PALLD: variants seen among roughly 807,000 people sequenced by gnomAD.
The protein encoded by PALLD is palladin, cytoskeletal associated protein.
Under a neutral mutation model 123.5 loss-of-function variants are expected in PALLD, and 61 were observed. The observed-to-expected ratio is 0.49, with a 90% CI of 0.40 to 0.61. The LOEUF is 0.61. Among genes scored for constraint, PALLD ranks in the 20% least tolerant of loss-of-function variants. PALLD has a pLI of 0.00. For synonymous variants in PALLD, 465 were observed against 496.4 expected (o/e 0.94, Z 0.84); for missense variants, 1,273 against 1,377.0 (o/e 0.92, Z 1.20).
chr4:168,547,674 G>GCA (rs1766287488), intron 2 of PALLD, among the ~76,000 whole-genome samples: 1 of 151,484 alleles, frequency 6.6e-6, no homozygotes, highest in African/African-American at 2.4e-5. Flanking sequence ...GCGTGGCCAG[G>GCA]CACAGTGGCT....
At position 168,623,171 on chromosome 4, in the gene PALLD, T is replaced by C. The variant is rs148199879; in HGVS notation, c.909-45019T>C. Among the ~76,000 whole-genome samples the C allele has an allele frequency of 3.0e-3, 459 of 152,278 alleles. 2 individuals carry two copies. The highest frequency in any genetic ancestry group is 0.01 in the African/African-American group (429 of 41,556). ...GGAAACCTTACCTCAGTCTCTGCCA[T>C]CTGTTTATTGGGGATACCTGCTCTG... On this transcript the variant is annotated intron_variant, in intron 2 of 21. Coordinates refer to ENST00000505667, the MANE Select transcript of PALLD (RefSeq NM_001166108.2).
chr4:168,816,944 A>T lies in PALLD; in HGVS notation c.1965-73978A>T, dbSNP rs940062264. On this transcript the variant is annotated intron_variant, in intron 10 of 21. Transcript: ENST00000505667. ...GCAAGCTTGGCAGAATGTTTGAACA[A>T]GACAAAGAGCAGTTCCAGCGACCAA... Among the ~76,000 whole-genome samples the T allele has an allele frequency of 3.3e-4, 50 of 151,974 alleles. 1 individual carries two copies. Among genetic ancestry groups the T allele is most frequent in the Admixed American group, 3.3e-3 (50 of 15,226 alleles).
chr4:168,820,067 G>A (rs898623518), intron 10 of PALLD, among the ~76,000 whole-genome samples: 10 of 152,188 alleles, frequency 6.6e-5, no homozygotes, highest in South Asian at 4.1e-4. Flanking sequence ...GTCTTACTTC[G>A]AAAGACTTAA....
At position 168,555,289 on chromosome 4, in the gene PALLD, C is replaced by A. The variant is rs377364174; in HGVS notation, c.908+42877C>A. 7.8e-4 allele frequency among the ~76,000 whole-genome samples: 119 copies of A among 152,258 alleles called. 2 individuals are homozygous for A. The highest frequency in any genetic ancestry group is 2.6e-3 in the African/African-American group (107 of 41,548). On this transcript the variant is annotated intron_variant, in intron 2 of 21. Transcript: ENST00000505667. ...TAGGAACGGAGCATAGAGAATAGAA[C>A]CACAGAAACCAAAGAAGACTAAAAC...
rs113634074 is a variant in PALLD at position 168,616,302 on chromosome 4, C to G, written c.909-51888C>G. Among the ~76,000 whole-genome samples the G allele has an allele frequency of 5.9e-3, 900 of 152,124 alleles. 10 individuals are homozygous for G. Among genetic ancestry groups the G allele is most frequent in the African/African-American group, 0.02 (837 of 41,504 alleles). On this transcript the variant is annotated intron_variant, in intron 2 of 21. Transcript: ENST00000505667. ...TTTTGGGTCTTAAGGATAAGTAGAT[C>G]TACATCAGAAAAATATTAAAGGAGG...
chr4:168,571,584 T>C (rs999281686), intron 2 of PALLD, among the ~76,000 whole-genome samples: 3 of 152,192 alleles, frequency 2.0e-5, no homozygotes, highest in Admixed American at 2.0e-4. Context: ...AATGTGTTAC[T>C]TTTCACAGAT....
chr4:168,691,353 G>T, intron 8 of PALLD, 61 bp downstream of exon 8: 2 of 1,334,942 alleles, frequency 1.5e-6, no homozygotes, highest in South Asian at 1.2e-5. Context: ...GTATCTTTTG[G>T]GTCTCAATAG....
rs150501585 is a variant in PALLD, at chr4:168,540,230, G to A, written c.908+27818G>A. ...CACAGTGACTTCCATAGTCGTCATA[G>A]GCGACTACTATCAGATTCCATCTCA... On this transcript the variant is annotated intron_variant, in intron 2 of 21. Coordinates refer to ENST00000505667, the MANE Select transcript of PALLD (RefSeq NM_001166108.2). Among the ~76,000 whole-genome samples, 1,190 of 152,278 alleles carry A rather than the reference G, an allele frequency of 7.8e-3. 5 individuals are homozygous for A. Among genetic ancestry groups the A allele is most frequent in the Middle Eastern group, 0.027 (8 of 294 alleles).
At chr4:168,688,026 G>C (rs926245048) in intron 6 of PALLD, among the ~76,000 whole-genome samples, 1 of 152,162 alleles carries the variant, frequency 6.6e-6, no homozygotes, top group African/African-American at 2.4e-5. Flanking sequence ...CTTCTGCAGG[G>C]CTGTTCCCTT....
At chr4:168,644,829 G>A (rs1021544783) in intron 2 of PALLD, among the ~76,000 whole-genome samples, 4 of 152,176 alleles carry the variant, frequency 2.6e-5, no homozygotes, top group Non-Finnish European at 4.4e-5. Context: ...TCAGCTGGGT[G>A]CAGTGGCTCA....
At chr4:168,532,031 C>T (rs77305614) in intron 2 of PALLD, among the ~76,000 whole-genome samples, 1 of 152,108 alleles carries the variant, frequency 6.6e-6, no homozygotes. Flanking sequence ...TATTTCAGCA[C>T]CCAGGTATTA....
Position 168,927,907 on chromosome 4 carries a change from G to GTATC in PALLD, c.*1729_*1732dup, listed in dbSNP as rs1553986435. 4.9e-6 allele frequency: 1 copy of GTATC among 202,542 alleles called. No homozygotes were observed. Among genetic ancestry groups the GTATC allele is most frequent in the African/African-American group, 2.3e-5 (1 of 43,628 alleles). The allele number at this position is 202,542 out of a possible 1,614,324, so 12.5% of individuals were successfully genotyped here. ...ACTGTATTCCTTATGCAAAACACAT[G>GTATC]TATCTTTCATTATTTATAAGTGGCC... On this transcript the variant is annotated 3_prime_UTR_variant, in exon 22 of 22. Coordinates refer to ENST00000505667, the MANE Select transcript of PALLD (RefSeq NM_001166108.2).
intron 10 of PALLD, among the ~76,000 whole-genome samples, chr4:168,810,971 C>CT (rs1459656115): frequency 6.6e-6 from 1 of 152,192 alleles, no homozygotes; most frequent in African/African-American, 2.4e-5. Flanking sequence ...AATACTTCCC[C>CT]TCCAAAGTCA....
In PALLD at chr4:168,926,629, TG is replaced by T. The variant is rs1320797961; in HGVS notation, c.*450del. On this transcript the variant is annotated 3_prime_UTR_variant, in exon 22 of 22. Transcript: ENST00000505667. Reference sequence around the variant, plus strand: ...GTCCAATTTAAAACTTTGGAATTGCTGTGATTAAAGTGATCAAAATGCCAAA... The same window carrying T: ...GTCCAATTTAAAACTTTGGAATTGCTTGATTAAAGTGATCAAAATGCCAAA... The T allele has an allele frequency of 4.8e-6, 2 of 419,284 alleles. No homozygotes were observed. The highest frequency in any genetic ancestry group is 4.0e-5 in the African/African-American group (2 of 50,246). The allele number at this position is 419,284 out of a possible 1,614,324, so 26.0% of individuals were successfully genotyped here.
chr4:168,833,880 C>T (rs558308918), intron 10 of PALLD, among the ~76,000 whole-genome samples: 288 of 149,960 alleles, frequency 1.9e-3, no homozygotes, highest in African/African-American at 6.7e-3. Context: ...AGCTAATGTA[C>T]CCCTATGCCT....
At chr4:168,863,604 G>C (rs1749820006) in intron 10 of PALLD, among the ~76,000 whole-genome samples, 1 of 151,718 alleles carries the variant, frequency 6.6e-6, no homozygotes. Context: ...AATTTTGAAA[G>C]ACGATAGCAT....
At chr4:168,535,984 C>T (rs1765051827) in intron 2 of PALLD, among the ~76,000 whole-genome samples, 3 of 152,128 alleles carry the variant, frequency 2.0e-5, no homozygotes, top group East Asian at 1.9e-4. Context: ...TACCTTGGTG[C>T]CGGTTAGAGA....
chr4:168,684,320 T>G (rs965359742), intron 5 of PALLD, among the ~76,000 whole-genome samples: 1 of 152,188 alleles, frequency 6.6e-6, no homozygotes, highest in Non-Finnish European at 1.5e-5. Context: ...GAATGGAAGG[T>G]AATTTACCCC....
chr4:168,850,536 T>TTC (rs1489765642), intron 10 of PALLD, among the ~76,000 whole-genome samples: 1 of 130,040 alleles, frequency 7.7e-6, no homozygotes, highest in Admixed American at 7.9e-5. Context: ...TTTTTTTTTT[T>TTC]TTTTTTTTTT....
Sources: allele counts gnomAD v4.1 joint callset (sites outside exome capture counted in the v4.1 genomes callset), GRCh38; gene constraint gnomAD v4.1.1; transcripts MANE v1.5; gene names NCBI Gene and HGNC (gene_info 2026-07-23, HGNC 2026-07-21).